BCAS3: variants seen among roughly 807,000 people sequenced by gnomAD.
BCAS3 encodes the protein BCAS3 microtubule associated cell migration factor.
Under a neutral mutation model 116.1 loss-of-function variants are expected in BCAS3, and 53 were observed. The ratio of observed to expected loss-of-function variants is 0.46; its 90% CI spans 0.37 to 0.57. BCAS3 has a LOEUF of 0.57. Ranked by LOEUF, BCAS3 falls within the 20% of genes least tolerant of loss-of-function variation. BCAS3 has a pLI of 0.00. For synonymous variants in BCAS3, 391 were observed against 408.2 expected, an observed-to-expected ratio of 0.96 and a Z score of 0.51; for missense variants, 917 against 1,165.4, an observed-to-expected ratio of 0.79 and a Z score of 3.10.
chr17:61,374,005 G>A (rs1170599081), intron 23 of BCAS3, among the ~76,000 whole-genome samples: 3 of 149,122 alleles, frequency 2.0e-5, no homozygotes, highest in Non-Finnish European at 4.5e-5. Flanking sequence ...TAGTAGAGAC[G>A]GAGTTTCACC....
chr17:61,292,473 A>C (rs538164381), intron 22 of BCAS3, among the ~76,000 whole-genome samples: 5 of 152,186 alleles, frequency 3.3e-5, no homozygotes, highest in African/African-American at 1.2e-4. Context: ...GCAATGTGGC[A>C]AAACCCCATC....
rs1373444783 is a variant in BCAS3 at position 61,315,271 on chromosome 17, C to T, written c.2426-53056C>T. The stretch of plus-strand genomic sequence containing the variant: ...CTGGGATTATAGGCGCCCACCACCA[C>T]ACCCGGCTAATTTTTGTATTTTTAG... On this transcript the variant is annotated intron_variant, in intron 22 of 23. Transcript: ENST00000407086. This position sits in a 1 kb window ranked among gnomAD's most constrained non-coding sequence, Gnocchi z 5.3. Among the ~76,000 whole-genome samples, 4 of 152,138 alleles carry T rather than the reference C, an allele frequency of 2.6e-5. No individual in the cohort carries two copies. The highest frequency in any genetic ancestry group is 5.9e-5 in the Non-Finnish European group (4 of 68,040).
At chr17:61,201,433 A>C (rs1208016635) in intron 22 of BCAS3, among the ~76,000 whole-genome samples, 1 of 152,260 alleles carries the variant, frequency 6.6e-6, no homozygotes, top group Non-Finnish European at 1.5e-5. Flanking sequence ...GGAATTCCTT[A>C]AGCTGGGAAC....
chr17:60,714,390 C>T (rs965667826), intron 5 of BCAS3, among the ~76,000 whole-genome samples: 43 of 151,998 alleles, frequency 2.8e-4, no homozygotes, highest in African/African-American at 5.8e-4. Context: ...ATAACTGTCC[C>T]GCGGTGGCTC....
At position 61,259,894 on chromosome 17, in the gene BCAS3, T is replaced by G. The variant is rs1250393238; in HGVS notation, c.2426-108433T>G. Among the ~76,000 whole-genome samples, 1 of 152,224 alleles carries G rather than the reference T, an allele frequency of 6.6e-6. No individual in the cohort carries two copies. The highest frequency in any genetic ancestry group is 2.4e-5 in the African/African-American group (1 of 41,472). On this transcript the variant is annotated intron_variant, in intron 22 of 23. Coordinates refer to ENST00000407086, the MANE Select transcript of BCAS3 (RefSeq NM_017679.5). The surrounding 1 kb of genome is among the most constrained non-coding windows in gnomAD (Gnocchi z 4.7). ...TGAATAGGATATGCTTTTTATTACT[T>G]TGGACTGACCTAGTGATAATAATAC...
In BCAS3 at chr17:61,136,304, C is replaced by T. The variant is rs74444420; in HGVS notation, c.2425+51740C>T. On this transcript the variant is annotated intron_variant, in intron 22 of 23. Transcript: ENST00000407086. This position sits in a 1 kb window ranked among gnomAD's most constrained non-coding sequence, Gnocchi z 4.4. ...ATCTTGGACATAGCTTTGTTTCCAC[C>T]TTGCATTCACCCACTAGACAGTAAG... Among the ~76,000 whole-genome samples, 15 of 152,282 alleles carry T rather than the reference C, an allele frequency of 9.9e-5. No homozygotes were observed. In the East Asian group the frequency reaches 2.9e-3, roughly 29 times the overall value.
At chr17:60,902,513 C>T (rs990982025) in intron 10 of BCAS3, 107 bp from the exon 11 acceptor site, 1 of 874,318 alleles carries the variant, frequency 1.1e-6, no homozygotes, top group Non-Finnish European at 1.8e-6. Context: ...AACATTCCCA[C>T]CCATCACCAT....
Position 61,243,385 on chromosome 17 carries a change from T to C in BCAS3, c.2426-124942T>C, listed in dbSNP as rs2144511788. ...TTATCCATTCATTCATGGATGGACA[T>C]TTAGTTTGCTTCTACATCTTGACTA... is the stretch of plus-strand genomic sequence containing the variant. On this transcript the variant is annotated intron_variant, in intron 22 of 23. Coordinates refer to ENST00000407086, the MANE Select transcript of BCAS3 (RefSeq NM_017679.5). The surrounding 1 kb of genome is among the most constrained non-coding windows in gnomAD (Gnocchi z 5.6). 6.6e-6 allele frequency among the ~76,000 whole-genome samples: 1 copy of C among 152,318 alleles called. No homozygotes were observed. The highest frequency in any genetic ancestry group is 1.5e-5 in the Non-Finnish European group (1 of 68,032).
chr17:61,059,140 T>C (rs891489607), intron 19 of BCAS3, among the ~76,000 whole-genome samples: 2 of 131,432 alleles, frequency 1.5e-5, no homozygotes, highest in African/African-American at 5.5e-5. Context: ...TGGAGTGCGG[T>C]GGCACAATCT....
chr17:60,921,637 CAT>C (rs2059106574), intron 12 of BCAS3, among the ~76,000 whole-genome samples: 1 of 112,876 alleles, frequency 8.9e-6, no homozygotes, highest in Non-Finnish European at 1.9e-5. Context: ...AAAAAAAAAA[CAT>C]TGACCACACA....
chr17:61,171,268 C>T lies in BCAS3; in HGVS notation c.2425+86704C>T, dbSNP rs917900493. Among the ~76,000 whole-genome samples, 8 of 151,994 alleles carry T rather than the reference C, an allele frequency of 5.3e-5. No homozygotes were observed. The highest frequency in any genetic ancestry group is 1.2e-4 in the African/African-American group (5 of 41,354). On this transcript the variant is annotated intron_variant, in intron 22 of 23. Coordinates refer to ENST00000407086, the MANE Select transcript of BCAS3 (RefSeq NM_017679.5). This position sits in a 1 kb window ranked among gnomAD's most constrained non-coding sequence, Gnocchi z 4.1. ...TATGCTATACATTCTAAAGCAGCCT[C>T]TAAAGTAACATAGGTGTAGCTAATC...
chr17:60,953,711 G>A (rs2060967686), intron 14 of BCAS3, among the ~76,000 whole-genome samples: 1 of 150,076 alleles, frequency 6.7e-6, no homozygotes, highest in Non-Finnish European at 1.5e-5. Flanking sequence ...TTTTATATTT[G>A]AGTCTTTAAT....
chr17:60,799,557 C>T (rs1362857889), intron 6 of BCAS3, among the ~76,000 whole-genome samples: 6 of 107,438 alleles, frequency 5.6e-5, no homozygotes, highest in Admixed American at 1.2e-4. Flanking sequence ...GAGACAGAGT[C>T]GTACTCTGTC....
In BCAS3 at chr17:61,326,112, A is replaced by G. The variant is rs1272742799; in HGVS notation, c.2426-42215A>G. Among the ~76,000 whole-genome samples, 1 of 152,212 alleles carries G rather than the reference A, an allele frequency of 6.6e-6. No homozygotes were observed. The highest frequency in any genetic ancestry group is 2.4e-5 in the African/African-American group (1 of 41,454). On this transcript the variant is annotated intron_variant, in intron 22 of 23. Coordinates refer to ENST00000407086, the MANE Select transcript of BCAS3 (RefSeq NM_017679.5). This position sits in a 1 kb window ranked among gnomAD's most constrained non-coding sequence, Gnocchi z 5.3. ...AGTTTGTGGTCTAGGAGGGGAAAAG[A>G]CATTAATCAGATAATCTCACAAATT...
chr17:61,331,425 C>G (rs571513398), intron 22 of BCAS3, among the ~76,000 whole-genome samples: 1 of 152,190 alleles, frequency 6.6e-6, no homozygotes, highest in African/African-American at 2.4e-5. Context: ...AGCCAGATGC[C>G]CCTGTCGCTT....
chr17:60,780,858 A>C (rs1168002547), intron 6 of BCAS3, among the ~76,000 whole-genome samples: 1 of 152,166 alleles, frequency 6.6e-6, no homozygotes, highest in Non-Finnish European at 1.5e-5. Context: ...ATATTTTCCT[A>C]AGTTAATTGT....
At chr17:60,852,602 C>T (rs2053275371) in intron 7 of BCAS3, among the ~76,000 whole-genome samples, 1 of 152,150 alleles carries the variant, frequency 6.6e-6, no homozygotes, top group South Asian at 2.1e-4. Flanking sequence ...ATTGAAATGT[C>T]TGTACTGATC....
In BCAS3 at chr17:61,267,465, C is replaced by T. The variant is rs140960312; in HGVS notation, c.2426-100862C>T. 9.9e-4 allele frequency among the ~76,000 whole-genome samples: 150 copies of T among 151,460 alleles called. 1 individual carries two copies. The highest frequency in any genetic ancestry group is 3.5e-3 in the African/African-American group (145 of 41,316). ...AGAAAAAACTAATTTAGGCCAGGTG[C>T]GGTGGCTCACGCCTGTTATCCCAGC... On this transcript the variant is annotated intron_variant, in intron 22 of 23. Coordinates refer to ENST00000407086, the MANE Select transcript of BCAS3 (RefSeq NM_017679.5).
At chr17:60,987,140 T>G (rs1209218517) in intron 14 of BCAS3, 2 of 152,156 alleles carry the variant, frequency 1.3e-5, no homozygotes, top group Non-Finnish European at 2.9e-5. Flanking sequence ...GAGTTCACTG[T>G]AGGTATGTAG....
Sources: gnomAD v4.1 joint callset for allele counts (sites outside exome capture counted in the v4.1 genomes callset) on GRCh38, gnomAD v4.1.1 for gene constraint, Gnocchi (gnomAD v3.1) non-coding constraint, MANE v1.5 for transcripts, NCBI Gene and HGNC (gene_info 2026-07-23, HGNC 2026-07-21) for gene names.